Variants in DLG2 observed in about 807,000 individuals in gnomAD.
DLG2 encodes the protein disks large homolog 2.
DLG2 carries 45 observed loss-of-function variants against 132.5 expected under a neutral mutation model. That is an observed-to-expected ratio of 0.34 (90% CI 0.27 to 0.44). The LOEUF is 0.44. DLG2 is among the 20% of genes least tolerant of loss of function. The pLI, the probability that DLG2 is intolerant of heterozygous loss-of-function variation, is 1.00. For synonymous variants in DLG2, 424 were observed against 419.6 expected, an observed-to-expected ratio of 1.01 and a Z score of -0.13; for missense variants, 1,045 against 1,196.9, an observed-to-expected ratio of 0.87 and a Z score of 1.87.
At chr11:85,233,422 C>G (rs886654104) in intron 4 of DLG2, among the ~76,000 whole-genome samples, 2 of 151,862 alleles carry the variant, frequency 1.3e-5, no homozygotes, top group Admixed American at 1.3e-4. Flanking sequence ...CAGAGTCAGC[C>G]TCACTGTTTA....
intron 3 of DLG2, among the ~76,000 whole-genome samples, chr11:85,546,268 T>C (rs1052041789): frequency 2.0e-5 from 3 of 152,120 alleles, no homozygotes; most frequent in Non-Finnish European, 4.4e-5. Context: ...CATTCAGAAG[T>C]AGGTTGTTCA....
At chr11:85,266,540 A>G (rs911205188) in intron 4 of DLG2, among the ~76,000 whole-genome samples, 2 of 152,110 alleles carry the variant, frequency 1.3e-5, no homozygotes, top group Admixed American at 1.3e-4. Flanking sequence ...GCAAATCAGC[A>G]TGGCACATGT....
In DLG2 at chr11:85,535,546, T is replaced by C. The variant is rs140321328; in HGVS notation, c.40+63111A>G. On this transcript the variant is annotated intron_variant, in intron 3 of 27. Transcript: ENST00000376104. ...CATGTATTGCTGATGGGATTGCAAA[T>C]TAGTGAAACCACATTGAAAAACAGT... Among the ~76,000 whole-genome samples, 804 of 152,266 alleles carry C rather than the reference T, an allele frequency of 5.3e-3. 8 individuals carry two copies. Among genetic ancestry groups the C allele is most frequent in the African/African-American group, 0.018 (747 of 41,536 alleles).
At chr11:83,704,917 G>A (rs986932921) in intron 18 of DLG2, among the ~76,000 whole-genome samples, 4 of 152,016 alleles carry the variant, frequency 2.6e-5, no homozygotes, top group African/African-American at 7.3e-5. Context: ...CTAAACTTCC[G>A]GATATTACAC....
intron 6 of DLG2, among the ~76,000 whole-genome samples, chr11:85,080,517 G>A (rs2067099339): frequency 6.6e-6 from 1 of 152,020 alleles, no homozygotes; most frequent in South Asian, 2.1e-4. Flanking sequence ...TTTATATAGA[G>A]GCTTGGCTCA....
intron 18 of DLG2, among the ~76,000 whole-genome samples, chr11:83,710,443 T>C (rs1264331097): frequency 2.0e-5 from 3 of 152,212 alleles, no homozygotes; most frequent in African/African-American, 7.2e-5. Context: ...ATTATAGGCA[T>C]GAGCCACCTT....
intron 6 of DLG2, among the ~76,000 whole-genome samples, chr11:84,751,846 G>C (rs1341174549): frequency 1.3e-5 from 2 of 152,100 alleles, no homozygotes; most frequent in Non-Finnish European, 2.9e-5. Context: ...ACCATGGATT[G>C]GCAAAGAAAA....
At chr11:83,715,164 G>A (rs2086411064) in intron 18 of DLG2, among the ~76,000 whole-genome samples, 1 of 152,124 alleles carries the variant, frequency 6.6e-6, no homozygotes, top group African/African-American at 2.4e-5. Flanking sequence ...CTGGTCCCAA[G>A]TCTGAGGATC....
At chr11:85,197,355 C>T (rs1304996419) in intron 4 of DLG2, among the ~76,000 whole-genome samples, 3 of 151,910 alleles carry the variant, frequency 2.0e-5, no homozygotes, top group Admixed American at 6.6e-5. Flanking sequence ...AAGAACAATG[C>T]ACATATTTAT....
chr11:84,424,281 G>T (rs2098959675), intron 7 of DLG2, among the ~76,000 whole-genome samples: 1 of 152,114 alleles, frequency 6.6e-6, no homozygotes, highest in Non-Finnish European at 1.5e-5. Context: ...CATCCATGCT[G>T]ATATTGTGGA....
rs930577533 is a variant in DLG2 at position 84,471,732 on chromosome 11, G to C, written c.519+62838C>G. 2.0e-5 allele frequency among the ~76,000 whole-genome samples: 3 copies of C among 151,358 alleles called. No homozygotes were observed. The Admixed American group carries it at 2.0e-4, about 10-fold the overall frequency. On this transcript the variant is annotated intron_variant, in intron 7 of 27. Transcript: ENST00000376104. ...TGGAAATTGGTTTCTTTTTGTTCTGGTCTGTCCTCCCTTCCTCAACTCCCT... is the reference window on the plus strand; with the variant it reads ...TGGAAATTGGTTTCTTTTTGTTCTGCTCTGTCCTCCCTTCCTCAACTCCCT...
At chr11:84,181,900 G>A (rs1253199230) in intron 8 of DLG2, among the ~76,000 whole-genome samples, 1 of 152,090 alleles carries the variant, frequency 6.6e-6, no homozygotes, top group African/African-American at 2.4e-5. Context: ...CCATAGAATA[G>A]CAAGAAATAA....
chr11:83,468,634 T>C (rs1412864297), intron 25 of DLG2, among the ~76,000 whole-genome samples: 2 of 152,214 alleles, frequency 1.3e-5, no homozygotes, highest in African/African-American at 2.4e-5. Flanking sequence ...AGGATCCCTC[T>C]GTAGGCAGAT....
intron 21 of DLG2, among the ~76,000 whole-genome samples, chr11:83,505,887 T>C (rs1191422141): frequency 6.6e-6 from 1 of 152,188 alleles, no homozygotes. Flanking sequence ...CAGTCTTCTC[T>C]TCCTCTGTCT....
chr11:85,452,594 C>A, intron 3 of DLG2: 1 of 202,292 alleles, frequency 4.9e-6, no homozygotes. Flanking sequence ...TATCTACTTC[C>A]ATTGTCATAT....
chr11:83,546,529 T>C (rs2141816042), intron 19 of DLG2, among the ~76,000 whole-genome samples: 1 of 152,218 alleles, frequency 6.6e-6, no homozygotes, highest in Admixed American at 6.5e-5. Context: ...CACAGGTGAG[T>C]TCCTCTTTGT....
intron 16 of DLG2, among the ~76,000 whole-genome samples, chr11:83,862,116 G>T (rs1389746786): frequency 6.6e-6 from 1 of 152,142 alleles, no homozygotes; most frequent in Non-Finnish European, 1.5e-5. Context: ...AAGGAAATCA[G>T]TATATCAAAG....
At chr11:84,991,383 C>T (rs2057085277) in intron 6 of DLG2, among the ~76,000 whole-genome samples, 1 of 151,740 alleles carries the variant, frequency 6.6e-6, no homozygotes, top group Non-Finnish European at 1.5e-5. Context: ...GTGGCACTCG[C>T]CTCTTGTCCC....
chr11:84,375,761 C>G (rs2098726544), intron 7 of DLG2, among the ~76,000 whole-genome samples: 4 of 151,870 alleles, frequency 2.6e-5, no homozygotes, highest in Non-Finnish European at 1.5e-5. Flanking sequence ...ACATCTCTAC[C>G]TCTGCTTTGT....
Sources: gnomAD v4.1 joint callset for allele counts (sites outside exome capture counted in the v4.1 genomes callset) on GRCh38, gnomAD v4.1.1 for gene constraint, MANE v1.5 for transcripts, NCBI Gene and HGNC (gene_info 2026-07-23, HGNC 2026-07-21) for gene names.